SGK1: variants seen among roughly 807,000 people sequenced by gnomAD.
The protein encoded by SGK1 is serum/glucocorticoid regulated kinase 1, also known as serine/threonine-protein kinase Sgk1.
In SGK1, 26 loss-of-function variants were observed where a neutral mutation model predicts 64.2. That is an observed-to-expected ratio of 0.40 (90% CI 0.30 to 0.56). The LOEUF is 0.56. Among genes scored for constraint, SGK1 ranks in the 20% least tolerant of loss-of-function variants. The pLI, the probability that SGK1 is intolerant of heterozygous loss-of-function variation, is 0.38. For synonymous variants in SGK1, 265 were observed against 239.7 expected (o/e 1.11, Z -0.98); for missense variants, 519 against 645.6 (o/e 0.80, Z 2.12).
chr6:134,215,109 G>A (rs759793430), intron 2 of SGK1: 3 of 446,396 alleles, frequency 6.7e-6, no homozygotes, highest in South Asian at 1.6e-5. Context: ...AAATAAACAT[G>A]AGAGTAAGTT....
rs970447958 is a variant in SGK1, at chr6:134,170,126, AGTGTGCAATAAGATTG to A, written c.*126_*141del. On this transcript the variant is annotated 3_prime_UTR_variant, in exon 14 of 14. Coordinates refer to ENST00000367858, the MANE Select transcript of SGK1 (RefSeq NM_001143676.3). ...GCTCTTCAAAAAGCTTCCAGCGAAC[AGTGTGCAATAAGATTG>A]CTAAGCTTCCAGAGATGTGCAAATT... 1.6e-6 allele frequency: 1 copy of A among 613,498 alleles called. No individual in the cohort carries two copies. Among genetic ancestry groups the A allele is most frequent in the African/African-American group, 1.8e-5 (1 of 54,722 alleles). 38.0% of individuals were successfully genotyped at this position (613,498 alleles called of 1,614,324 possible).
chr6:134,201,340 G>A (rs1469915633), intron 3 of SGK1, among the ~76,000 whole-genome samples: 4 of 151,186 alleles, frequency 2.6e-5, no homozygotes, highest in South Asian at 2.1e-4. Context: ...GATTACAGGC[G>A]TGAGCCACCA....
At chr6:134,303,794 A>C (rs6909375) in intron 1 of SGK1, among the ~76,000 whole-genome samples, 5 of 150,354 alleles carry the variant, frequency 3.3e-5, no homozygotes, top group African/African-American at 4.9e-5. Flanking sequence ...CAAGAAAAAA[A>C]AAAAGAAAAG....
chr6:134,203,585 A>AT (rs1466953163), intron 3 of SGK1, among the ~76,000 whole-genome samples: 8 of 152,238 alleles, frequency 5.3e-5, no homozygotes, highest in Admixed American at 2.0e-4. Flanking sequence ...CACCTTAACT[A>AT]TAAGACACAG....
intron 1 of SGK1, among the ~76,000 whole-genome samples, chr6:134,294,240 A>G (rs532576852): frequency 6.6e-6 from 1 of 152,256 alleles, no homozygotes; most frequent in African/African-American, 2.4e-5. Flanking sequence ...TGAAATATAC[A>G]TCACATAAAA....
intron 3 of SGK1, among the ~76,000 whole-genome samples, chr6:134,179,842 C>T (rs879300812): frequency 1.3e-5 from 2 of 151,972 alleles, no homozygotes; most frequent in Non-Finnish European, 2.9e-5. Flanking sequence ...GGAAAATTGA[C>T]GGGAGGGTAG....
At chr6:134,173,738 AC>A in intron 5 of SGK1, 172 bp from the exon 6 acceptor site, 1 of 610,780 alleles carries the variant, frequency 1.6e-6, no homozygotes, top group East Asian at 2.8e-5. Flanking sequence ...TGGAAACTGC[AC>A]ACAGTCATGT....
At chr6:134,302,060 G>C (rs1777466630) in intron 1 of SGK1, among the ~76,000 whole-genome samples, 1 of 152,196 alleles carries the variant, frequency 6.6e-6, no homozygotes, top group Admixed American at 6.6e-5. Context: ...ATAATAAAGA[G>C]ATTCTAAAGA....
At chr6:134,243,456 G>A (rs571280904) in intron 2 of SGK1, among the ~76,000 whole-genome samples, 7 of 152,048 alleles carry the variant, frequency 4.6e-5, no homozygotes, top group Middle Eastern at 3.4e-3. Flanking sequence ...TGCAACCTCC[G>A]CCTCCTGGGT....
chr6:134,257,454 A>C (rs757127110), intron 2 of SGK1, among the ~76,000 whole-genome samples: 16 of 152,174 alleles, frequency 1.1e-4, no homozygotes, highest in Non-Finnish European at 1.8e-4. Flanking sequence ...TTAGTTCATA[A>C]AAGACTTGCA....
chr6:134,234,018 C>G (rs917341856), intron 2 of SGK1, among the ~76,000 whole-genome samples: 1 of 151,986 alleles, frequency 6.6e-6, no homozygotes, highest in African/African-American at 2.4e-5. Context: ...TTATAGACAC[C>G]CTTTTCTGAA....
At chr6:134,190,956 A>G (rs1399192783) in intron 3 of SGK1, among the ~76,000 whole-genome samples, 1 of 152,130 alleles carries the variant, frequency 6.6e-6, no homozygotes, top group Non-Finnish European at 1.5e-5. Context: ...ATATGTGCCA[A>G]TTATGTTTTT....
chr6:134,262,016 A>G lies in SGK1; in HGVS notation c.202T>C (p.Cys68Arg). The stretch of plus-strand genomic sequence containing the variant: ...CTTTGGAAAGCATGTTCACCCAGGC[A>G]TGTTTGACACAAGGAAGACTCGAAG... ...PDFESSLCQT[C>R]LGEHAFQRGV... Residue 68 changes from cysteine (C) to arginine (R), a missense_variant, in exon 2 of 14, where the codon TGC becomes CGC. Around this residue, in one of 2 missense-constraint regions of SGK1, gnomAD observed 241 missense variants for 236.9 expected, o/e 1.02. Transcript: ENST00000367858. The G allele has an allele frequency of 6.2e-7, 1 of 1,613,934 alleles. No individual in the cohort carries two copies. The highest frequency in any genetic ancestry group is 8.5e-7 in the Non-Finnish European group (1 of 1,179,832).
At chr6:134,227,940 A>ATTT (rs1562258175) in intron 2 of SGK1, among the ~76,000 whole-genome samples, 3 of 121,804 alleles carry the variant, frequency 2.5e-5, no homozygotes, top group African/African-American at 9.6e-5. Context: ...AATGGAATTC[A>ATTT]TTCTTTTTTT....
intron 2 of SGK1, among the ~76,000 whole-genome samples, chr6:134,208,462 AT>A (rs1775828801): frequency 1.3e-5 from 2 of 151,842 alleles, no homozygotes; most frequent in African/African-American, 2.4e-5. Context: ...AATCTCCGAG[AT>A]TTTGGTGCAC....
At chr6:134,306,996 A>T (rs1486541050) in intron 1 of SGK1, among the ~76,000 whole-genome samples, 1 of 152,092 alleles carries the variant, frequency 6.6e-6, no homozygotes, top group Non-Finnish European at 1.5e-5. Flanking sequence ...AGAAATGAAG[A>T]CACATTAGAA....
At chr6:134,286,632 A>AT (rs1010955198) in intron 1 of SGK1, among the ~76,000 whole-genome samples, 1 of 151,824 alleles carries the variant, frequency 6.6e-6, no homozygotes, top group Non-Finnish European at 1.5e-5. Context: ...TGCCCGGCTA[A>AT]TTTTTTTGTA....
At chr6:134,218,144 A>G (rs1776016812) in intron 2 of SGK1, among the ~76,000 whole-genome samples, 1 of 152,196 alleles carries the variant, frequency 6.6e-6, no homozygotes, top group South Asian at 2.1e-4. Flanking sequence ...CCCCCCTTGC[A>G]TTATGGTTGA....
chr6:134,189,223 T>TGTGTGTGTGTGTGC (rs751805559), intron 3 of SGK1, among the ~76,000 whole-genome samples: 1 of 149,708 alleles, frequency 6.7e-6, no homozygotes, highest in African/African-American at 2.5e-5. Flanking sequence ...TGTGTGTGTG[T>TGTGTGTGTGTGTGC]GTGTGCGTGT....
Sources: gnomAD v4.1 joint callset for allele counts (sites outside exome capture counted in the v4.1 genomes callset) on GRCh38, gnomAD v4.1.1 for gene constraint, gnomAD v4.1.1 regional missense constraint, MANE v1.5 for transcripts, NCBI Gene and HGNC (gene_info 2026-07-23, HGNC 2026-07-21) for gene names.